ABL2: variants seen among roughly 807,000 people sequenced by gnomAD.
The protein encoded by ABL2 is ABL proto-oncogene 2, non-receptor tyrosine kinase.
ABL2 carries 49 observed loss-of-function variants against 107.7 expected under a neutral mutation model. That is an observed-to-expected ratio of 0.45 (90% CI 0.36 to 0.58). ABL2 has a LOEUF of 0.58. Among genes scored for constraint, ABL2 ranks in the 20% least tolerant of loss-of-function variants. The pLI is 0.00. For missense variants in ABL2, 1,245 were observed against 1,457.0 expected (o/e 0.85, Z 2.37); for synonymous variants, 549 against 548.6 (o/e 1.00, Z -0.01).
At position 179,114,827 on chromosome 1, in the gene ABL2, T is replaced by C. The variant is rs191729829; in HGVS notation, c.1561+51A>G. 24 of 1,540,874 alleles carry C rather than the reference T, an allele frequency of 1.6e-5. No individual in the cohort carries two copies. In the Admixed American group the frequency reaches 4.2e-4, roughly 27 times the overall value. On this transcript the variant is annotated intron_variant, in intron 9 of 11. Transcript: ENST00000502732. ...AAATGTTTCTAATTTTGTTAACTAT[T>C]CTGAACTGCTAGCTTATGCCTTCAA...
intron 1 of ABL2, among the ~76,000 whole-genome samples, chr1:179,136,743 A>T (rs1363408334): frequency 1.2e-5 from 1 of 80,316 alleles, no homozygotes; most frequent in Non-Finnish European, 3.0e-5. Flanking sequence ...TAAATAAATA[A>T]AAATAAAAAT....
chr1:179,150,757 T>C (rs751412985), intron 1 of ABL2, among the ~76,000 whole-genome samples: 30 of 152,330 alleles, frequency 2.0e-4, no homozygotes, highest in Non-Finnish European at 4.1e-4. Flanking sequence ...TAAAATGCTG[T>C]CAAAAAGCAC....
intron 1 of ABL2, among the ~76,000 whole-genome samples, chr1:179,177,716 C>T (rs774719708): frequency 6.6e-6 from 1 of 152,028 alleles, no homozygotes; most frequent in Non-Finnish European, 1.5e-5. Context: ...GTGGACAGTC[C>T]TTTTCTGCAA....
At position 179,108,831 on chromosome 1, in the gene ABL2, C is replaced by T. The variant is rs2102577902; in HGVS notation, c.2436G>A (p.Leu812=). 1 of 1,614,196 alleles carries T rather than the reference C, an allele frequency of 6.2e-7. No individual in the cohort carries two copies. The highest frequency in any genetic ancestry group is 8.5e-7 in the Non-Finnish European group (1 of 1,180,036). The change falls in exon 12 of 12, where the codon CTG becomes CTA. Residue 812 remains leucine (L), a synonymous_variant. Coordinates refer to ENST00000502732, the MANE Select transcript of ABL2 (RefSeq NM_007314.4). ...PRNCQRSKLQ[L]ERTVSTSSQP... ...GAGAAGAGGTGGACACTGTCCTTTCCAGCTGGAGTTTGGACCTCTGGCAGT... is the reference window on the plus strand; with the variant it reads ...GAGAAGAGGTGGACACTGTCCTTTCTAGCTGGAGTTTGGACCTCTGGCAGT...
chr1:179,117,014 A>G (rs1472259266), intron 8 of ABL2: 9 of 345,448 alleles, frequency 2.6e-5, no homozygotes, highest in Non-Finnish European at 5.5e-6. Context: ...TAATTTTTGT[A>G]GTTAGTAGAG....
At chr1:179,175,083 T>C (rs1659971938) in intron 1 of ABL2, among the ~76,000 whole-genome samples, 1 of 152,068 alleles carries the variant, frequency 6.6e-6, no homozygotes, top group African/African-American at 2.4e-5. Flanking sequence ...TAGGTCTTGC[T>C]ATGTTGCCCA....
chr1:179,201,930 G>T (rs1449198232), intron 1 of ABL2: 2 of 1,226,270 alleles, frequency 1.6e-6, no homozygotes, highest in Non-Finnish European at 2.1e-6. Context: ...CATCTGAGGG[G>T]CTGTCCTGCC....
intron 4 of ABL2, among the ~76,000 whole-genome samples, chr1:179,125,353 A>C (rs1398424744): frequency 3.3e-5 from 5 of 152,220 alleles, no homozygotes; most frequent in African/African-American, 1.2e-4. Context: ...ACAATTTATT[A>C]ATCCATTCTA....
intron 7 of ABL2, among the ~76,000 whole-genome samples, chr1:179,117,971 C>A (rs1321667203): frequency 6.6e-5 from 10 of 150,512 alleles, no homozygotes; most frequent in East Asian, 2.0e-4. Context: ...AAACAAAAAA[C>A]AAAACAAACA....
intron 1 of ABL2, among the ~76,000 whole-genome samples, chr1:179,181,380 T>C (rs532688680): frequency 7.9e-4 from 120 of 152,326 alleles, no homozygotes; most frequent in African/African-American, 2.7e-3. Flanking sequence ...TTACTAACTT[T>C]CAGAAAACTG....
At chr1:179,170,165 C>T (rs544376909) in intron 1 of ABL2, among the ~76,000 whole-genome samples, 33 of 152,282 alleles carry the variant, frequency 2.2e-4, no homozygotes, top group Admixed American at 5.9e-4. Context: ...AGAAAGCATA[C>T]TCAACAGTAC....
At chr1:179,142,809 A>T in intron 1 of ABL2, 1 of 1,157,626 alleles carries the variant, frequency 8.6e-7, no homozygotes, top group Admixed American at 2.7e-5. Flanking sequence ...AAGCACACAA[A>T]CTTTCACTGA....
intron 11 of ABL2, 114 bp downstream of exon 11, chr1:179,110,168 G>T: frequency 2.3e-6 from 3 of 1,283,872 alleles, no homozygotes; most frequent in Non-Finnish European, 3.3e-6. Context: ...TAAAAGAGAC[G>T]CCATGCTTTC....
chr1:179,211,865 C>A (rs1239605430), intron 1 of ABL2, among the ~76,000 whole-genome samples: 2 of 152,066 alleles, frequency 1.3e-5, no homozygotes, highest in African/African-American at 4.8e-5. Flanking sequence ...GTTCAAAGCA[C>A]CTCCGTGGAA....
intron 8 of ABL2, chr1:179,117,129 C>CA: frequency 1.7e-6 from 1 of 599,732 alleles, no homozygotes; most frequent in African/African-American, 1.9e-5. Context: ...GCCACCACAC[C>CA]AGGCCTATAC....
intron 5 of ABL2, 97 bp downstream of exon 5, chr1:179,121,498 A>G (rs980322071): frequency 1.3e-6 from 2 of 1,481,622 alleles, no homozygotes; most frequent in Middle Eastern, 1.8e-4. Context: ...TAGTGGGTGG[A>G]AAGTGTTCCA....
intron 6 of ABL2, 110 bp from the exon 7 acceptor site, chr1:179,118,874 T>C: frequency 1.7e-6 from 2 of 1,152,934 alleles, no homozygotes; most frequent in Non-Finnish European, 2.5e-6. Context: ...GGCAATAATC[T>C]TTTCCCTTCT....
At chr1:179,118,489 A>T (rs879433664) in intron 7 of ABL2, 98 bp downstream of exon 7, 6 of 1,249,000 alleles carry the variant, frequency 4.8e-6, no homozygotes, top group African/African-American at 3.0e-5. Flanking sequence ...ACTTTCTTGA[A>T]TCATCTGAAA....
At chr1:179,208,974 C>CA (rs1432381822) in intron 1 of ABL2, among the ~76,000 whole-genome samples, 2 of 152,100 alleles carry the variant, frequency 1.3e-5, no homozygotes, top group Non-Finnish European at 2.9e-5. Flanking sequence ...TAGGCACTAA[C>CA]AAAAAATAAC....
Sources: gnomAD v4.1 joint callset for allele counts (sites outside exome capture counted in the v4.1 genomes callset) on GRCh38, gnomAD v4.1.1 for gene constraint, MANE v1.5 for transcripts, NCBI Gene and HGNC (gene_info 2026-07-23, HGNC 2026-07-21) for gene names.